LYRM1: variants seen among roughly 807,000 people sequenced by gnomAD.
LYRM1 encodes LYR motif-containing protein 1.
Under a neutral mutation model 14.9 loss-of-function variants are expected in LYRM1, and 14 were observed. That is an observed-to-expected ratio of 0.94 (90% CI 0.62 to 1.47). The LOEUF (loss-of-function observed/expected upper bound fraction) is 1.47. LYRM1 is among the 40% of genes most tolerant of loss of function. LYRM1 has a pLI of 0.00. For synonymous variants in LYRM1, 43 were observed against 56.2 expected (o/e 0.77, Z 1.05); for missense variants, 153 against 149.9 (o/e 1.02, Z -0.11).
In LYRM1 at chr16:20,912,330, C is replaced by T. The variant is rs548679651; in HGVS notation, c.1-3226C>T. On this transcript the variant is annotated intron_variant, in intron 1 of 3. Transcript: ENST00000567954. Reference sequence around the variant, plus strand: ...TGTCACCCAGGCTAGAGTGCAGTGGCGCAATCTCGGCTCACTGCCAGCTCC... The same window carrying T: ...TGTCACCCAGGCTAGAGTGCAGTGGTGCAATCTCGGCTCACTGCCAGCTCC... Among the ~76,000 whole-genome samples, 29 of 151,822 alleles carry T rather than the reference C, an allele frequency of 1.9e-4. No individual in the cohort carries two copies. The South Asian group carries it at 5.4e-3, about 28-fold the overall frequency.
chr16:20,916,540 C>T (rs760901646), intron 2 of LYRM1, among the ~76,000 whole-genome samples: 14 of 152,226 alleles, frequency 9.2e-5, no homozygotes, highest in Non-Finnish European at 1.9e-4. Context: ...ACCCTCCCGC[C>T]AGCTGCAGGG....
At chr16:20,910,433 GTTAA>G (rs1364007626) in intron 1 of LYRM1, among the ~76,000 whole-genome samples, 3 of 152,114 alleles carry the variant, frequency 2.0e-5, no homozygotes, top group Non-Finnish European at 4.4e-5. Context: ...ACACTTAAAC[GTTAA>G]TTAAAGTGTT....
chr16:20,920,112 C>T lies in LYRM1; in HGVS notation c.160-10C>T. The T allele has an allele frequency of 1.3e-6, 2 of 1,597,078 alleles. No homozygotes were observed. Among genetic ancestry groups the T allele is most frequent in the Non-Finnish European group, 8.6e-7 (1 of 1,165,494 alleles). On this transcript the variant is annotated splice_polypyrimidine_tract_variant and intron_variant, in intron 2 of 3. Transcript: ENST00000567954. ...TACTATCAGCCTCATTTCTTTCTCC[C>T]TTTTAATAGCTCACGGACACAGACC...
At chr16:20,902,711 T>C (rs999347395) in intron 1 of LYRM1, 4 of 152,250 alleles carry the variant, frequency 2.6e-5, no homozygotes, top group Non-Finnish European at 5.9e-5. Context: ...TTTGGACTTG[T>C]GCTCAGGTAA....
At chr16:20,903,635 C>T (rs958887277) in intron 1 of LYRM1, among the ~76,000 whole-genome samples, 5 of 152,196 alleles carry the variant, frequency 3.3e-5, no homozygotes, top group Middle Eastern at 3.4e-3. Context: ...AGTCATTCTC[C>T]GCATGTGAAA....
chr16:20,924,220 C>T lies in LYRM1; in HGVS notation c.*104C>T. 1.6e-6 allele frequency: 1 copy of T among 635,666 alleles called. No homozygotes were observed. Among genetic ancestry groups the T allele is most frequent in the Non-Finnish European group, 2.8e-6 (1 of 354,778 alleles). 39.4% of individuals were successfully genotyped at this position (635,666 alleles called of 1,614,324 possible). On this transcript the variant is annotated 3_prime_UTR_variant, in exon 4 of 4. Coordinates refer to ENST00000567954, the MANE Select transcript of LYRM1 (RefSeq NM_001128302.3). ...TTAGGGGCAAAAATTCAAATGTCTT[C>T]TTAAAACCTCCACAATTGATTCTCC...
chr16:20,922,412 T>A (rs530340926), intron 3 of LYRM1, among the ~76,000 whole-genome samples: 1 of 152,296 alleles, frequency 6.6e-6, no homozygotes, highest in East Asian at 1.9e-4. Context: ...TAGATGTATA[T>A]GTGAAGAGAT....
In LYRM1 at chr16:20,904,691, T is replaced by TTTTGTGTGTGTGTGTGTGTGTG. The variant is rs148224628; in HGVS notation, c.-1+3803_-1+3804insTTGTGTGTGTGTGTGTGTGTGT. 1.1e-3 allele frequency among the ~76,000 whole-genome samples: 162 copies of TTTTGTGTGTGTGTGTGTGTGTG among 141,140 alleles called. 1 individual carries two copies. The highest frequency in any genetic ancestry group is 3.3e-3 in the Admixed American group (46 of 14,100). 92.6% of individuals were successfully genotyped at this position (141,140 alleles called of 152,430 possible). On this transcript the variant is annotated intron_variant, in intron 1 of 3. Coordinates refer to ENST00000567954, the MANE Select transcript of LYRM1 (RefSeq NM_001128302.3). ...TCTGAAACAGGAAATAAGTCTGTGG[T>TTTTGTGTGTGTGTGTGTGTGTG]TGTGTGTGTGTGTGTGTGTGTGTGT...
intron 1 of LYRM1, among the ~76,000 whole-genome samples, chr16:20,915,109 A>G (rs2082807428): frequency 6.6e-6 from 1 of 152,230 alleles, no homozygotes; most frequent in South Asian, 2.1e-4. Context: ...AGATGGTTTC[A>G]GCAATGCTAC....
intron 1 of LYRM1, among the ~76,000 whole-genome samples, chr16:20,904,934 C>T (rs984695817): frequency 1.3e-5 from 2 of 152,022 alleles, no homozygotes; most frequent in Non-Finnish European, 2.9e-5. Flanking sequence ...GGTGTTGGCA[C>T]CTGCATTATA....
chr16:20,915,284 C>A (rs1033436133), intron 1 of LYRM1, among the ~76,000 whole-genome samples: 13 of 152,032 alleles, frequency 8.6e-5, no homozygotes, highest in Non-Finnish European at 1.8e-4. Flanking sequence ...CACGGTGAAA[C>A]CCTGTCTCTA....
Position 20,915,657 on chromosome 16 carries a change from CAAAGAA to C in LYRM1, c.106_111del (p.Glu36_Lys37del). 1 of 1,614,100 alleles carries C rather than the reference CAAAGAA, an allele frequency of 6.2e-7. No homozygotes were observed. Among genetic ancestry groups the C allele is most frequent in the Non-Finnish European group, 8.5e-7 (1 of 1,180,018 alleles). ...CATCAGGGCAGATGGAAGACACCAT[CAAAGAA>C]AAACAGTACATACTAAATGAAGCCA... On this transcript the variant is annotated inframe_deletion, in exon 2 of 4. Coordinates refer to ENST00000567954, the MANE Select transcript of LYRM1 (RefSeq NM_001128302.3).
At chr16:20,906,366 C>A (rs2082320699) in intron 1 of LYRM1, among the ~76,000 whole-genome samples, 1 of 152,174 alleles carries the variant, frequency 6.6e-6, no homozygotes, top group Non-Finnish European at 1.5e-5. Flanking sequence ...TACAGAAGAC[C>A]ATGATCTCAT....
In LYRM1 at chr16:20,924,078, A is replaced by C; in HGVS notation, c.331A>C (p.Lys111Gln). 6.2e-7 allele frequency: 1 copy of C among 1,612,294 alleles called. No homozygotes were observed. Among genetic ancestry groups the C allele is most frequent in the Non-Finnish European group, 8.5e-7 (1 of 1,178,542 alleles). The change falls in exon 4 of 4, where the codon AAA (lysine) becomes CAA (glutamine). Residue 111 changes from lysine to glutamine, a missense_variant. Coordinates refer to ENST00000567954, the MANE Select transcript of LYRM1 (RefSeq NM_001128302.3). Reference sequence around the variant, plus strand: ...CCAAGAGAAACTGAGGAAACTTTCCAAACCAGTATATCTCAGATCTCATGA... The same window carrying C: ...CCAAGAGAAACTGAGGAAACTTTCCCAACCAGTATATCTCAGATCTCATGA... ...RSQEKLRKLS[K>Q]PVYLRSHDEV...
chr16:20,900,222 T>C (rs1443375490), upstream of LYRM1: 1 of 138,072 alleles, frequency 7.2e-6, no homozygotes, highest in East Asian at 2.4e-4. Flanking sequence ...CAGAGGTTCC[T>C]CCAGTCAAAC....
At chr16:20,900,691 G>C (rs897558662), upstream of LYRM1, 2 of 152,514 alleles carry the variant, frequency 1.3e-5, no homozygotes, top group African/African-American at 4.8e-5. Context: ...GAGATGGGTA[G>C]AGTCAGTCAG....
rs1049237005 is a variant in LYRM1, at chr16:20,924,186, A to T, written c.*70A>T. 4 of 835,344 alleles carry T rather than the reference A, an allele frequency of 4.8e-6. No homozygotes were observed. The African/African-American group carries it at 6.9e-5, about 14-fold the overall frequency. 51.7% of individuals were successfully genotyped at this position (835,344 alleles called of 1,614,324 possible). A position where few individuals can be genotyped will look rare whatever the true frequency, so the allele number is the denominator to read the frequency against. On this transcript the variant is annotated 3_prime_UTR_variant, in exon 4 of 4. Transcript: ENST00000567954. ...TTGAATGTAAACCAGATGGCAAAAC[A>T]CTTCTTGATTAGGGGCAAAAATTCA...
At chr16:20,908,233 T>TAGGAGC (rs1478414702) in intron 1 of LYRM1, among the ~76,000 whole-genome samples, 1 of 152,186 alleles carries the variant, frequency 6.6e-6, no homozygotes, top group Non-Finnish European at 1.5e-5. Context: ...GGTTGCAGGT[T>TAGGAGC]AGGAGCAGGG....
chr16:20,912,657 C>G (rs1285599451), intron 1 of LYRM1, among the ~76,000 whole-genome samples: 1 of 152,148 alleles, frequency 6.6e-6, no homozygotes, highest in African/African-American at 2.4e-5. Flanking sequence ...ATACAGCAGG[C>G]TGAATTGCAG....
Sources: allele counts gnomAD v4.1 joint callset (sites outside exome capture counted in the v4.1 genomes callset), GRCh38; gene constraint gnomAD v4.1.1; transcripts MANE v1.5; gene names NCBI Gene and HGNC (gene_info 2026-07-23, HGNC 2026-07-21).